The following CAPN8 variants were observed in gnomAD, a reference collection of about 807,000 sequenced individuals.
CAPN8 encodes the protein calpain-8.
Under a neutral mutation model 80.9 loss-of-function variants are expected in CAPN8, and 87 were observed. That is an observed-to-expected ratio of 1.07 (90% CI 0.90 to 1.28). The LOEUF (loss-of-function observed/expected upper bound fraction) is 1.28, where lower values mean the gene tolerates loss of function less well. Among genes scored for constraint, CAPN8 ranks in the 50% most tolerant of loss-of-function variants. The probability of loss-of-function intolerance (pLI) is 0.00; values close to 1 mark genes in which losing one functional copy is unlikely to be tolerated. For synonymous variants in CAPN8, 299 were observed against 273.8 expected (o/e 1.09, Z -0.91); for missense variants, 757 against 702.0 (o/e 1.08, Z -0.89).
chr1:223,619,672 A>G (rs1201464853), intron 8 of CAPN8, among the ~76,000 whole-genome samples: 1 of 152,192 alleles, frequency 6.6e-6, no homozygotes, highest in Non-Finnish European at 1.5e-5. Flanking sequence ...CCACACACAT[A>G]TCTTAACAAC....
At chr1:223,548,222 G>T (rs1200400649) in intron 16 of CAPN8, among the ~76,000 whole-genome samples, 1 of 146,938 alleles carries the variant, frequency 6.8e-6, no homozygotes, top group East Asian at 2.0e-4. Context: ...ACCCTCCAAG[G>T]CTCCAATTTT....
At chr1:223,628,868 TC>T in intron 2 of CAPN8, 88 bp from the exon 3 acceptor site, 1 of 1,038,522 alleles carries the variant, frequency 9.6e-7, no homozygotes, top group Non-Finnish European at 1.4e-6. Context: ...CAACCCAGAG[TC>T]CACGTTGCCA....
chr1:223,665,279 G>T (rs1254289362), intron 1 of CAPN8, 131 bp downstream of exon 1: 5 of 693,238 alleles, frequency 7.2e-6, no homozygotes, highest in Non-Finnish European at 1.2e-5. Context: ...AAAAGGTGGT[G>T]GTGGAGGGAT....
intron 4 of CAPN8, 128 bp from the exon 5 acceptor site, chr1:223,627,285 C>T (rs1657617184): frequency 9.3e-7 from 1 of 1,079,020 alleles, no homozygotes; most frequent in Non-Finnish European, 1.3e-6. Flanking sequence ...GCCTATTTTG[C>T]CTATGGGCCA....
intron 14 of CAPN8, among the ~76,000 whole-genome samples, chr1:223,552,472 G>A (rs974972250): frequency 1.4e-5 from 2 of 148,112 alleles, no homozygotes; most frequent in Non-Finnish European, 3.0e-5. Flanking sequence ...GCTGAGGCAC[G>A]AGAATCGCTT....
At chr1:223,541,924 T>G in intron 20 of CAPN8, 65 bp from the exon 21 acceptor site, 3 of 1,550,564 alleles carry the variant, frequency 1.9e-6, no homozygotes, top group Non-Finnish European at 2.6e-6. Flanking sequence ...TCACCATTGA[T>G]GCTCTCCTGC....
At chr1:223,632,842 G>A (rs1657811732) in intron 2 of CAPN8, among the ~76,000 whole-genome samples, 1 of 152,206 alleles carries the variant, frequency 6.6e-6, no homozygotes, top group African/African-American at 2.4e-5. Context: ...TTTAAGCAGA[G>A]GTGCACTTCA....
chr1:223,642,867 T>C (rs912484286), intron 2 of CAPN8: 1 of 455,396 alleles, frequency 2.2e-6, no homozygotes, highest in Non-Finnish European at 4.4e-6. Flanking sequence ...CTCAATGGCA[T>C]GAAACAGCTT....
chr1:223,644,697 G>T (rs760062577), intron 2 of CAPN8, among the ~76,000 whole-genome samples: 2 of 152,112 alleles, frequency 1.3e-5, no homozygotes, highest in Non-Finnish European at 2.9e-5. Flanking sequence ...AAGGTCTCCC[G>T]GCTCCTGCAT....
chr1:223,653,367 CAAAATCATG>C (rs2102735070), intron 2 of CAPN8, among the ~76,000 whole-genome samples: 1 of 151,874 alleles, frequency 6.6e-6, no homozygotes, highest in Non-Finnish European at 1.5e-5. Context: ...TTGTGATTTT[CAAAATCATG>C]AACATTTCCA....
At chr1:223,612,774 A>T (rs922685609) in intron 10 of CAPN8, among the ~76,000 whole-genome samples, 2 of 152,188 alleles carry the variant, frequency 1.3e-5, no homozygotes, top group African/African-American at 2.4e-5. Context: ...AACTAACAGA[A>T]GGGACTCCTT....
chr1:223,623,848 T>A (rs1269370527), intron 6 of CAPN8, among the ~76,000 whole-genome samples: 1 of 151,540 alleles, frequency 6.6e-6, no homozygotes, highest in South Asian at 2.1e-4. Context: ...ACAAAAAAAA[T>A]AATTAGCTGG....
At position 223,549,365 on chromosome 1, in the gene CAPN8, C is replaced by T. The variant is rs377154566; in HGVS notation, c.1717G>A (p.Asp573Asn). 5.8e-6 allele frequency: 9 copies of T among 1,551,550 alleles called. No individual in the cohort carries two copies. Among genetic ancestry groups the T allele is most frequent in the Non-Finnish European group, 7.0e-6 (8 of 1,146,976 alleles). ...AFSKRTDIKF[D>N]GFNINTCREM... ...CTGCAAGTGTTGATGTTGAATCCAT[C>T]GAATTTTATGTCTGTTCCTAAAGAT... The change falls in exon 16 of 21, where the codon GAT becomes AAT. Residue 573 changes from aspartate to asparagine, a missense_variant. Asp to Asn is a conservative substitution (Grantham distance 23). Transcript: ENST00000366872.
chr1:223,629,197 A>AGAGTGTGTGTGTGT lies in CAPN8; in HGVS notation c.308-418_308-417insACACACACACACTC, dbSNP rs373877760. Among the ~76,000 whole-genome samples the AGAGTGTGTGTGTGT allele has an allele frequency of 4.2e-5, 4 of 95,312 alleles. No individual in the cohort carries two copies. In the East Asian group the frequency reaches 8.1e-4, roughly 19 times the overall value. 62.5% of individuals were successfully genotyped at this position (95,312 alleles called of 152,430 possible). ...CCAATCTATGATGTGTACGTGTAAG[A>AGAGTGTGTGTGTGT]GTGTGTGTGTGTGTGTGTGTGTGTG... On this transcript the variant is annotated intron_variant, in intron 2 of 20. Transcript: ENST00000366872.
intron 2 of CAPN8, among the ~76,000 whole-genome samples, chr1:223,654,111 T>C (rs1658414361): frequency 6.6e-6 from 1 of 152,124 alleles, no homozygotes; most frequent in Non-Finnish European, 1.5e-5. Context: ...AATCTCTCAT[T>C]AGGGGGAGCC....
intron 14 of CAPN8, among the ~76,000 whole-genome samples, chr1:223,552,906 T>A (rs1656828478): frequency 6.6e-6 from 1 of 152,224 alleles, no homozygotes. Context: ...CAGGTTTTGT[T>A]AGCAAAAATA....
At chr1:223,618,295 C>CA in intron 9 of CAPN8, 1 of 1,550,538 alleles carries the variant, frequency 6.4e-7, no homozygotes, top group Non-Finnish European at 8.7e-7. Flanking sequence ...CACAGGGACA[C>CA]ATTAGTGATC....
intron 11 of CAPN8, among the ~76,000 whole-genome samples, chr1:223,611,281 G>C (rs902585225): frequency 1.3e-5 from 2 of 152,172 alleles, no homozygotes; most frequent in African/African-American, 4.8e-5. Context: ...CAGGGAAGAG[G>C]TGAAAGCACC....
chr1:223,615,899 A>G, intron 10 of CAPN8, 71 bp downstream of exon 10: 1 of 1,523,760 alleles, frequency 6.6e-7, no homozygotes, highest in Non-Finnish European at 8.9e-7. Flanking sequence ...GATGTGCTAC[A>G]ATGACTGGCC....
Sources: allele counts gnomAD v4.1 joint callset (sites outside exome capture counted in the v4.1 genomes callset), GRCh38; gene constraint gnomAD v4.1.1; transcripts MANE v1.5; gene names NCBI Gene and HGNC (gene_info 2026-07-23, HGNC 2026-07-21).